CYFIP2: variants seen among roughly 807,000 people sequenced by gnomAD.
The protein encoded by CYFIP2 is cytoplasmic FMR1 interacting protein 2.
A neutral mutation model predicts 158.7 loss-of-function variants in CYFIP2; 29 were observed. That is an observed-to-expected ratio of 0.18 (90% confidence interval 0.14 to 0.25). The LOEUF is 0.25. CYFIP2 is among the 10% of genes least tolerant of loss of function. The pLI, the probability that CYFIP2 is intolerant of heterozygous loss-of-function variation, is 1.00. For missense variants in CYFIP2, 852 were observed against 1,639.5 expected (o/e 0.52, Z 8.29); for synonymous variants, 585 against 617.6 (o/e 0.95, Z 0.78).
chr5:157,333,386 G>A lies in CYFIP2; in HGVS notation c.2325G>A (p.Met775Ile). The A allele has an allele frequency of 1.9e-6, 3 of 1,614,016 alleles. No individual in the cohort carries two copies. The highest frequency in any genetic ancestry group is 2.5e-6 in the Non-Finnish European group (3 of 1,179,888). ...RLITQRISAA[M>I]YKSLDQAISR... The stretch of plus-strand genomic sequence containing the variant: ...TTACCCAGCGCATCTCTGCCGCCAT[G>A]TATAAATCCTTGGACCAAGCTATCA... Residue 775 changes from methionine (M) to isoleucine (I), a missense_variant, in exon 21 of 31, where the codon ATG (methionine) becomes ATA (isoleucine). Met to Ile is a conservative substitution (Grantham distance 10). Transcript: ENST00000620254.
At chr5:157,313,967 C>T (rs141802739) in intron 11 of CYFIP2, among the ~76,000 whole-genome samples, 16 of 152,218 alleles carry the variant, frequency 1.1e-4, no homozygotes, top group Admixed American at 6.5e-4. Context: ...TGGTGGCTCA[C>T]GTCTGTAATC....
At chr5:157,321,787 T>G (rs1012147822) in intron 15 of CYFIP2, among the ~76,000 whole-genome samples, 2 of 152,072 alleles carry the variant, frequency 1.3e-5, no homozygotes, top group African/African-American at 4.8e-5. Context: ...TCATCTTAAC[T>G]CCCCTTGGCT....
At chr5:157,345,756 T>C (rs1762639622) in intron 23 of CYFIP2, 1 of 152,630 alleles carries the variant, frequency 6.6e-6, no homozygotes. Context: ...GTACGCACGA[T>C]GCTTTCAGGG....
chr5:157,361,985 A>G lies in CYFIP2; in HGVS notation c.3039+387A>G, dbSNP rs1373425137. Among the ~76,000 whole-genome samples, 1 of 152,210 alleles carries G rather than the reference A, an allele frequency of 6.6e-6. No homozygotes were observed. Among genetic ancestry groups the G allele is most frequent in the Non-Finnish European group, 1.5e-5 (1 of 68,036 alleles). Reference sequence around the variant, plus strand: ...CAATGGCTTGCAAACAAGGGTTTTTAAAGGCAGGGGTAAATTTCAGGAAAG... The same window carrying G: ...CAATGGCTTGCAAACAAGGGTTTTTGAAGGCAGGGGTAAATTTCAGGAAAG... On this transcript the variant is annotated intron_variant, in intron 26 of 30. Coordinates refer to ENST00000620254, the MANE Select transcript of CYFIP2 (RefSeq NM_001037333.3). This position sits in a 1 kb window ranked among gnomAD's most constrained non-coding sequence, Gnocchi z 4.4.
At chr5:157,370,341 T>C (rs645573) in intron 26 of CYFIP2, among the ~76,000 whole-genome samples, 39,040 of 152,168 alleles carry the variant, frequency 0.26, 5,456 homozygotes, top group Non-Finnish European at 0.32. Flanking sequence ...GATTCTGTTA[T>C]TTACATAATC....
intron 26 of CYFIP2, among the ~76,000 whole-genome samples, chr5:157,366,331 A>T (rs1287253708): frequency 6.6e-6 from 1 of 152,164 alleles, no homozygotes; most frequent in East Asian, 1.9e-4. Flanking sequence ...TGTATTGCAG[A>T]TCTATTACTC....
rs70984468 is a variant in CYFIP2 at position 157,379,668 on chromosome 5, C to CAA, written c.3040-2898_3040-2897dup. On this transcript the variant is annotated intron_variant, in intron 26 of 30. Coordinates refer to ENST00000620254, the MANE Select transcript of CYFIP2 (RefSeq NM_001037333.3). ...CAGGCAAGGGAGCAAGACCCTGTCT[C>CAA]AAAAAAAAAAAAAAAAAAAAAAAAA... 7.2e-3 allele frequency among the ~76,000 whole-genome samples: 532 copies of CAA among 73,558 alleles called. 21 individuals are homozygous for CAA. Among genetic ancestry groups the CAA allele is most frequent in the African/African-American group, 0.016 (308 of 19,292 alleles). 48.3% of individuals were successfully genotyped at this position (73,558 alleles called of 152,430 possible).
chr5:157,345,561 G>T (rs1762621348), intron 23 of CYFIP2: 1 of 152,646 alleles, frequency 6.6e-6, no homozygotes, highest in East Asian at 1.9e-4. Context: ...CAGCGTGTCT[G>T]GTTAGAGCTC....
At chr5:157,341,985 C>T (rs942605435) in intron 23 of CYFIP2, 11 of 152,450 alleles carry the variant, frequency 7.2e-5, no homozygotes, top group African/African-American at 2.7e-4. Flanking sequence ...CTTCCCTTTT[C>T]GATTCTCTTT....
At chr5:157,268,788 TG>T (rs1310755752) in intron 1 of CYFIP2, among the ~76,000 whole-genome samples, 1 of 152,210 alleles carries the variant, frequency 6.6e-6, no homozygotes, top group African/African-American at 2.4e-5. Context: ...GAAAGGCTTT[TG>T]GTCCTGTCAT....
In CYFIP2 at chr5:157,395,322, CTTA is replaced by C; in HGVS notation, c.*2323_*2325del. 3.5e-6 allele frequency: 1 copy of C among 286,300 alleles called. No homozygotes were observed. The highest frequency in any genetic ancestry group is 6.7e-6 in the Non-Finnish European group (1 of 149,938). 17.7% of individuals were successfully genotyped at this position (286,300 alleles called of 1,614,324 possible). A position where few individuals can be genotyped will look rare whatever the true frequency, so the allele number is the denominator to read the frequency against. On this transcript the variant is annotated 3_prime_UTR_variant, in exon 31 of 31. Coordinates refer to ENST00000620254, the MANE Select transcript of CYFIP2 (RefSeq NM_001037333.3). ...TCTAATAACCAGGAAAAAAATAAAGCTTAGGTTTTAAAAAGTTTTAAAAATAAT... is the reference window on the plus strand; with the variant it reads ...TCTAATAACCAGGAAAAAAATAAAGCGGTTTTAAAAAGTTTTAAAAATAAT...
intron 3 of CYFIP2, among the ~76,000 whole-genome samples, chr5:157,288,430 C>T (rs905092839): frequency 4.6e-5 from 7 of 152,142 alleles, no homozygotes; most frequent in African/African-American, 7.2e-5. Flanking sequence ...GGTTATCTCC[C>T]GTAACCTTGT....
At position 157,306,581 on chromosome 5, in the gene CYFIP2, C is replaced by G. The variant is rs1193308112; in HGVS notation, c.796-1180C>G. On this transcript the variant is annotated intron_variant, in intron 8 of 30. Transcript: ENST00000620254. ...CTCTTATGCAGAAAACGATGAAGTT[C>G]ATTCTGCAGAACAAAATATACCCAC... Among the ~76,000 whole-genome samples, 6 of 152,196 alleles carry G rather than the reference C, an allele frequency of 3.9e-5. No individual in the cohort carries two copies. The East Asian group carries it at 1.2e-3, about 29-fold the overall frequency.
chr5:157,302,727 G>A (rs757975544), intron 6 of CYFIP2, 67 bp from the exon 7 acceptor site: 177 of 1,317,832 alleles, frequency 1.3e-4, no homozygotes, highest in Non-Finnish European at 1.7e-4. Context: ...ATGCGAGCCC[G>A]TGAGGCATGG....
chr5:157,314,250 G>T lies in CYFIP2; in HGVS notation c.1111-94G>T. On this transcript the variant is annotated intron_variant, in intron 11 of 30. Coordinates refer to ENST00000620254, the MANE Select transcript of CYFIP2 (RefSeq NM_001037333.3). ...TATCTGTCAAGGGGATGTAATAATA[G>T]CACTTCCCTGCAGTGTTCTTGGGGG... 2.1e-6 allele frequency: 3 copies of T among 1,455,062 alleles called. No homozygotes were observed. In the East Asian group the frequency reaches 7.3e-5, roughly 35 times the overall value. The allele number at this position is 1,455,062 out of a possible 1,614,324, so 90.1% of individuals were successfully genotyped here. A position where few individuals can be genotyped will look rare whatever the true frequency, so the allele number is the denominator to read the frequency against.
intron 21 of CYFIP2, among the ~76,000 whole-genome samples, chr5:157,338,223 G>A (rs1454615972): frequency 6.6e-6 from 1 of 152,224 alleles, no homozygotes; most frequent in Non-Finnish European, 1.5e-5. Context: ...TTTGCCTGAA[G>A]ATGGGTTTCC....
Position 157,339,180 on chromosome 5 carries a change from C to T in CYFIP2, c.2509C>T (p.Arg837Cys), listed in dbSNP as rs751254864. 8 of 1,614,000 alleles carry T rather than the reference C, an allele frequency of 5.0e-6. No individual in the cohort carries two copies. Among genetic ancestry groups the T allele is most frequent in the South Asian group, 2.2e-5 (2 of 91,084 alleles). Reference sequence around the variant, plus strand: ...TCACAATGTGTCCGCCCCCTATGGCCGTATCACCCTGCATGTCTTCTGGGA... The same window carrying T: ...TCACAATGTGTCCGCCCCCTATGGCTGTATCACCCTGCATGTCTTCTGGGA... ...ANHNVSAPYG[R>C]ITLHVFWELN... The change falls in exon 22 of 31, where the codon CGT becomes TGT. Residue 837 changes from arginine (R) to cysteine (C), a missense_variant. Coordinates refer to ENST00000620254, the MANE Select transcript of CYFIP2 (RefSeq NM_001037333.3).
At chr5:157,316,450 A>G (rs1214502637) in intron 13 of CYFIP2, among the ~76,000 whole-genome samples, 2 of 152,368 alleles carry the variant, frequency 1.3e-5, no homozygotes, top group East Asian at 3.8e-4. Flanking sequence ...AATATTTATG[A>G]TGTATACCAA....
chr5:157,355,396 G>A (rs1322783933), intron 23 of CYFIP2, among the ~76,000 whole-genome samples: 1 of 152,140 alleles, frequency 6.6e-6, no homozygotes, highest in African/African-American at 2.4e-5. Flanking sequence ...TTCAGTGAGC[G>A]TTTCCAGTGT....
Sources: gnomAD v4.1 joint callset for allele counts (sites outside exome capture counted in the v4.1 genomes callset) on GRCh38, gnomAD v4.1.1 for gene constraint, Gnocchi (gnomAD v3.1) non-coding constraint, MANE v1.5 for transcripts, NCBI Gene and HGNC (gene_info 2026-07-23, HGNC 2026-07-21) for gene names.